Variants in ERF observed in about 807,000 individuals in gnomAD.
The protein encoded by ERF is ETS2 repressor factor.
ERF carries 10 observed loss-of-function variants against 41.6 expected under a neutral mutation model. That is an observed-to-expected ratio of 0.24 (90% CI 0.15 to 0.41). ERF has a LOEUF of 0.41. ERF is among the 10% of genes least tolerant of loss of function. ERF has a pLI of 1.00. For synonymous variants in ERF, 395 were observed against 342.4 expected (o/e 1.15, Z -1.70); for missense variants, 621 against 763.2 (o/e 0.81, Z 2.19).
Position 42,250,572 on chromosome 19 carries a change from A to T in ERF, c.23-7T>A. On this transcript the variant is annotated splice_polypyrimidine_tract_variant and splice_region_variant and intron_variant, in intron 1 of 3. Transcript: ENST00000222329. The surrounding 1 kb of genome is among the most constrained non-coding windows in gnomAD (Gnocchi z 5.1). ...CAATCCGGGAAGGCAAACCCTGGGG[A>T]CGGGAGGCAGGGAGTGGCCTGGGGT... 6.2e-7 allele frequency: 1 copy of T among 1,612,292 alleles called. No homozygotes were observed. Among genetic ancestry groups the T allele is most frequent in the Non-Finnish European group, 8.5e-7 (1 of 1,179,576 alleles).
intron 1 of ERF, among the ~76,000 whole-genome samples, chr19:42,251,724 C>CA (rs985963701): frequency 4.6e-5 from 7 of 152,102 alleles, no homozygotes; most frequent in African/African-American, 1.7e-4. Context: ...GGCCTCCAGG[C>CA]AACACATCCA....
rs764305902 is a variant in ERF at position 42,250,320 on chromosome 19, C to G, written c.257+11G>C. ...TCCACATGTGCTCAGGGGTCCCCAG[C>G]CCGTCCTCACCGCAGGGCCCGGCTC... On this transcript the variant is annotated intron_variant, in intron 2 of 3. Transcript: ENST00000222329. The surrounding 1 kb of genome is among the most constrained non-coding windows in gnomAD (Gnocchi z 5.1). 6.2e-7 allele frequency: 1 copy of G among 1,612,788 alleles called. No individual in the cohort carries two copies. Among genetic ancestry groups the G allele is most frequent in the Admixed American group, 1.7e-5 (1 of 59,964 alleles).
In ERF at chr19:42,248,277, T is replaced by A. The variant is rs1599819091; in HGVS notation, c.*188A>T. On this transcript the variant is annotated 3_prime_UTR_variant, in exon 4 of 4. Transcript: ENST00000222329. This position sits in a 1 kb window ranked among gnomAD's most constrained non-coding sequence, Gnocchi z 4.2. ...AGAGACAGGGAATAGCCCCTAGCCCTGGGCACCCACCCACCCCCACCATTT... is the reference window on the plus strand; with the variant it reads ...AGAGACAGGGAATAGCCCCTAGCCCAGGGCACCCACCCACCCCCACCATTT... 93 of 198,452 alleles carry A rather than the reference T, an allele frequency of 4.7e-4. No individual in the cohort carries two copies. Among genetic ancestry groups the A allele is most frequent in the Non-Finnish European group, 5.6e-4 (69 of 123,378 alleles). 12.3% of individuals were successfully genotyped at this position (198,452 alleles called of 1,614,324 possible). A position where few individuals can be genotyped will look rare whatever the true frequency, so the allele number is the denominator to read the frequency against.
rs745308883 is a variant in ERF at position 42,249,128 on chromosome 19, G to A, written c.984C>T (p.Pro328=). The A allele has an allele frequency of 2.2e-5, 36 of 1,613,810 alleles. No homozygotes were observed. The East Asian group carries it at 8.0e-4, about 36-fold the overall frequency. ...TQSVYNYHLS[P]RAFLHYPGLV... ...GCCCAGGGTAGTGCAGGAAGGCGCG[G>A]GGGCTGAGGTGGTAGTTGTAGACGC... The change falls in exon 4 of 4, where the codon CCC becomes CCT. Residue 328 remains proline, a synonymous_variant. Coordinates refer to ENST00000222329, the MANE Select transcript of ERF (RefSeq NM_006494.4). The surrounding 1 kb of genome is among the most constrained non-coding windows in gnomAD (Gnocchi z 8.6).
In ERF at chr19:42,250,710, G is replaced by C. The variant is rs2036429834; in HGVS notation, c.23-145C>G. ...CAAGTCAAGATCTGATTTAAGAGAAGACAGTGCGTGTCTGTCTGTCTGCAT... is the reference window on the plus strand; with the variant it reads ...CAAGTCAAGATCTGATTTAAGAGAACACAGTGCGTGTCTGTCTGTCTGCAT... On this transcript the variant is annotated intron_variant, in intron 1 of 3. Transcript: ENST00000222329. The surrounding 1 kb of genome is among the most constrained non-coding windows in gnomAD (Gnocchi z 5.1). The C allele has an allele frequency of 1.3e-6, 1 of 798,344 alleles. No homozygotes were observed. The highest frequency in any genetic ancestry group is 1.8e-5 in the South Asian group (1 of 55,656). The allele number at this position is 798,344 out of a possible 1,614,324, so 49.5% of individuals were successfully genotyped here.
At chr19:42,253,002 GCAGT>G (rs2036469829) in intron 1 of ERF, among the ~76,000 whole-genome samples, 1 of 152,212 alleles carries the variant, frequency 6.6e-6, no homozygotes, top group Non-Finnish European at 1.5e-5. Flanking sequence ...AGAAGTGGCA[GCAGT>G]CAGACAGCAA....
chr19:42,248,919 C>T lies in ERF; in HGVS notation c.1193G>A (p.Gly398Asp). Residue 398 changes from glycine (G) to aspartate (D), a missense_variant, in exon 4 of 4, where the codon GGT (glycine) becomes GAT (aspartate). By Grantham distance (94) the Gly-to-Asp change is moderately conservative (BLOSUM62 -1). Coordinates refer to ENST00000222329, the MANE Select transcript of ERF (RefSeq NM_006494.4). The surrounding 1 kb of genome is among the most constrained non-coding windows in gnomAD (Gnocchi z 4.2). Reference protein sequence around the residue: ...QRAAGEKAVAGADKSGGSAGG... With the variant: ...QRAAGEKAVADADKSGGSAGG... ...TGCACTGCCACCGCTCTTGTCAGCACCGGCTACGGCCTTCTCCCCAGCTGC... is the reference window on the plus strand; with the variant it reads ...TGCACTGCCACCGCTCTTGTCAGCATCGGCTACGGCCTTCTCCCCAGCTGC... 1 of 1,607,014 alleles carries T rather than the reference C, an allele frequency of 6.2e-7. No individual in the cohort carries two copies. The highest frequency in any genetic ancestry group is 8.5e-7 in the Non-Finnish European group (1 of 1,179,662).
chr19:42,253,968 G>C lies in ERF; in HGVS notation c.22+1010C>G, dbSNP rs927740306. ...CCCGCCCCGGGCCGGATTCCGACGG[G>C]GTAGACGGGCAGGGGGCGGCTGGGA... is the stretch of plus-strand genomic sequence containing the variant. On this transcript the variant is annotated intron_variant, in intron 1 of 3. Coordinates refer to ENST00000222329, the MANE Select transcript of ERF (RefSeq NM_006494.4). 5.9e-6 allele frequency: 6 copies of C among 1,015,322 alleles called. No individual in the cohort carries two copies. In the South Asian group the frequency reaches 1.9e-4, roughly 33 times the overall value. The allele number at this position is 1,015,322 out of a possible 1,614,324, so 62.9% of individuals were successfully genotyped here.
At position 42,247,659 on chromosome 19, in the gene ERF, T is replaced by C. The variant is rs1469581587; in HGVS notation, c.*806A>G. The C allele has an allele frequency of 5.3e-5, 8 of 152,076 alleles. No homozygotes were observed. Among genetic ancestry groups the C allele is most frequent in the Admixed American group, 5.2e-4 (8 of 15,256 alleles). The allele number at this position is 152,076 out of a possible 1,614,324, so 9.4% of individuals were successfully genotyped here. ...TCAGTCCCCAATACAGAATAAGGCT[T>C]GACCACAGCCCCCCACCCCACCCCA... On this transcript the variant is annotated 3_prime_UTR_variant, in exon 4 of 4. Transcript: ENST00000222329.
chr19:42,252,524 T>TG (rs369097732), intron 1 of ERF, among the ~76,000 whole-genome samples: 9 of 151,374 alleles, frequency 5.9e-5, no homozygotes, highest in Non-Finnish European at 7.4e-5. Flanking sequence ...GGAAAGGAGG[T>TG]GGGGGGGCTC....
At position 42,248,914 on chromosome 19, in the gene ERF, C is replaced by G. The variant is rs1293041987; in HGVS notation, c.1198G>C (p.Asp400His). The G allele has an allele frequency of 1.9e-6, 3 of 1,607,334 alleles. No individual in the cohort carries two copies. Among genetic ancestry groups the G allele is most frequent in the Non-Finnish European group, 2.5e-6 (3 of 1,179,676 alleles). ...CCGCCTGCACTGCCACCGCTCTTGTCAGCACCGGCTACGGCCTTCTCCCCA... is the reference window on the plus strand; with the variant it reads ...CCGCCTGCACTGCCACCGCTCTTGTGAGCACCGGCTACGGCCTTCTCCCCA... Reference protein sequence around the residue: ...AAGEKAVAGADKSGGSAGGLA... With the variant: ...AAGEKAVAGAHKSGGSAGGLA... The change falls in exon 4 of 4, where the codon GAC (aspartate) becomes CAC (histidine). Residue 400 changes from aspartate to histidine, a missense_variant. Asp to His is a moderately conservative substitution (Grantham distance 81, BLOSUM62 -1). This residue lies in a region of ERF where 569 missense variants were observed against 625.5 expected (regional missense o/e 0.91). Transcript: ENST00000222329. The surrounding 1 kb of genome is among the most constrained non-coding windows in gnomAD (Gnocchi z 4.2).
rs769453776 is a variant in ERF, at chr19:42,249,047, G to A, written c.1065C>T (p.Pro355=). ...PDKCPLPPMA[P]ETPPVPSSAS... Reference sequence around the variant, plus strand: ...CCGAGGAGGGGACCGGTGGGGTCTCGGGTGCCATGGGCGGCAGCGGGCACT... The same window carrying A: ...CCGAGGAGGGGACCGGTGGGGTCTCAGGTGCCATGGGCGGCAGCGGGCACT... Residue 355 remains proline (P), a synonymous_variant, in exon 4 of 4, where the codon CCC becomes CCT. Transcript: ENST00000222329. This position sits in a 1 kb window ranked among gnomAD's most constrained non-coding sequence, Gnocchi z 8.6. The A allele has an allele frequency of 2.0e-5, 33 of 1,612,316 alleles. No homozygotes were observed. The highest frequency in any genetic ancestry group is 3.3e-4 in the Middle Eastern group (2 of 6,080).
chr19:42,249,671 T>A lies in ERF; in HGVS notation c.441A>T (p.Ser147=), dbSNP rs781403142. 1 of 1,602,496 alleles carries A rather than the reference T, an allele frequency of 6.2e-7. No individual in the cohort carries two copies. Among genetic ancestry groups the A allele is most frequent in the Admixed American group, 1.7e-5 (1 of 59,328 alleles). The part of the protein sequence containing the change: ...SGGSHFRFPP[S]TPSEVLSPTE... ...TGGGGGACAGCACCTCGGAGGGCGT[T>A]GAGGGAGGGAAGCGGAAGTGGCTAC... Residue 147 remains serine, a synonymous_variant, in exon 4 of 4, where the codon TCA becomes TCT. Transcript: ENST00000222329. This position sits in a 1 kb window ranked among gnomAD's most constrained non-coding sequence, Gnocchi z 8.6.
rs1226613334 is a variant in ERF at position 42,248,370 on chromosome 19, C to T, written c.*95G>A. The T allele has an allele frequency of 8.7e-7, 1 of 1,143,470 alleles. No homozygotes were observed. The highest frequency in any genetic ancestry group is 1.1e-6 in the Non-Finnish European group (1 of 872,100). The allele number at this position is 1,143,470 out of a possible 1,614,324, so 70.8% of individuals were successfully genotyped here. A position where few individuals can be genotyped will look rare whatever the true frequency, so the allele number is the denominator to read the frequency against. Reference sequence around the variant, plus strand: ...GAAAAGGGAGGAGGCAGGGAAGAGACAAGAGAGCTGCCCTCACCTCCAGGG... The same window carrying T: ...GAAAAGGGAGGAGGCAGGGAAGAGATAAGAGAGCTGCCCTCACCTCCAGGG... On this transcript the variant is annotated 3_prime_UTR_variant, in exon 4 of 4. Coordinates refer to ENST00000222329, the MANE Select transcript of ERF (RefSeq NM_006494.4). This position sits in a 1 kb window ranked among gnomAD's most constrained non-coding sequence, Gnocchi z 4.2.
chr19:42,254,985 C>A lies in ERF; in HGVS notation c.15G>T (p.Ala5=). ...TGCTGCCCCCGCCCCCACCTGTGTC[C>A]GCCGGGGTCTTCATGCTGGGGGGCC... is the stretch of plus-strand genomic sequence containing the variant. MKTP[A]DTGFAFPDWA... is the part of the protein sequence containing the mutation. The change falls in exon 1 of 4, where the codon GCG becomes GCT. Residue 5 remains alanine (A), a synonymous_variant. Transcript: ENST00000222329. The A allele has an allele frequency of 6.8e-7, 1 of 1,474,674 alleles. No homozygotes were observed. Among genetic ancestry groups the A allele is most frequent in the Non-Finnish European group, 8.9e-7 (1 of 1,120,032 alleles). The allele number at this position is 1,474,674 out of a possible 1,614,324, so 91.3% of individuals were successfully genotyped here. A position where few individuals can be genotyped will look rare whatever the true frequency, so the allele number is the denominator to read the frequency against.
At chr19:42,252,102 C>T (rs1479049162) in intron 1 of ERF, among the ~76,000 whole-genome samples, 2 of 152,308 alleles carry the variant, frequency 1.3e-5, no homozygotes, top group African/African-American at 2.4e-5. Flanking sequence ...TTATCCTCAC[C>T]CTTCTAGAGA....
At chr19:42,251,236 C>T in intron 1 of ERF, 1 of 985,262 alleles carries the variant, frequency 1.0e-6, no homozygotes, top group Non-Finnish European at 1.2e-6. Flanking sequence ...CTGCCCTCCC[C>T]AGACCCAGGC....
At chr19:42,252,017 G>A (rs1457931269) in intron 1 of ERF, among the ~76,000 whole-genome samples, 1 of 152,122 alleles carries the variant, frequency 6.6e-6, no homozygotes, top group Non-Finnish European at 1.5e-5. Flanking sequence ...CCATTTAAAA[G>A]TGACAGCCTT....
chr19:42,253,808 GGGGTGGGGT>G, intron 1 of ERF: 1 of 915,420 alleles, frequency 1.1e-6, no homozygotes, highest in South Asian at 4.0e-5. Context: ...GGGTGGGGAT[GGGGTGGGGT>G]GGGTGGGCCG....
Sources: allele counts gnomAD v4.1 joint callset (sites outside exome capture counted in the v4.1 genomes callset), GRCh38; gene constraint gnomAD v4.1.1; regional missense constraint gnomAD v4.1.1; non-coding constraint Gnocchi (gnomAD v3.1); transcripts MANE v1.5; gene names NCBI Gene and HGNC (gene_info 2026-07-23, HGNC 2026-07-21).